Variants in NETO1 observed in about 807,000 individuals in gnomAD.
The protein encoded by NETO1 is neuropilin and tolloid-like protein 1.
In NETO1, 26 loss-of-function variants were observed where a neutral mutation model predicts 61.3. The observed-to-expected ratio is 0.42, with a 90% CI of 0.31 to 0.59. The LOEUF (loss-of-function observed/expected upper bound fraction) is 0.59. Ranked by LOEUF, NETO1 falls within the 20% of genes least tolerant of loss-of-function variation. The probability of loss-of-function intolerance (pLI) is 0.12; values close to 1 mark genes in which losing one functional copy is unlikely to be tolerated. For missense variants in NETO1, 531 were observed against 662.8 expected (o/e 0.80, Z 2.18); for synonymous variants, 225 against 225.8 (o/e 1.00, Z 0.03).
chr18:72,846,883 C>T (rs532784848), intron 4 of NETO1, among the ~76,000 whole-genome samples: 9 of 152,194 alleles, frequency 5.9e-5, no homozygotes, highest in Non-Finnish European at 1.0e-4. Context: ...CCTATTTCAT[C>T]GGGACAGCCA....
chr18:72,764,839 G>A (rs531240221), intron 7 of NETO1, among the ~76,000 whole-genome samples: 1 of 152,080 alleles, frequency 6.6e-6, no homozygotes, highest in African/African-American at 2.4e-5. Context: ...CAGGCGAAAG[G>A]CTCAAGACCA....
At chr18:72,804,750 A>G (rs1196708944) in intron 4 of NETO1, among the ~76,000 whole-genome samples, 1 of 152,120 alleles carries the variant, frequency 6.6e-6, no homozygotes, top group Non-Finnish European at 1.5e-5. Flanking sequence ...AAACCTTCTG[A>G]TTATAAAAAT....
intron 4 of NETO1, among the ~76,000 whole-genome samples, chr18:72,827,209 G>A (rs2073405892): frequency 6.7e-6 from 1 of 149,266 alleles, no homozygotes; most frequent in African/African-American, 2.5e-5. Flanking sequence ...TATTCTGTAT[G>A]TTTAATATAT....
intron 7 of NETO1, 91 bp from the exon 8 acceptor site, chr18:72,756,238 T>C: frequency 1.6e-6 from 1 of 641,338 alleles, no homozygotes; most frequent in African/African-American, 1.8e-5. Flanking sequence ...AAAAAAAGAT[T>C]AGAATAATTT....
intron 4 of NETO1, among the ~76,000 whole-genome samples, chr18:72,851,903 T>C (rs547809715): frequency 1.3e-5 from 2 of 152,292 alleles, no homozygotes; most frequent in African/African-American, 4.8e-5. Context: ...GATACACAAG[T>C]AGTAATTTAA....
chr18:72,834,859 G>C (rs2073693691), intron 4 of NETO1: 1 of 941,098 alleles, frequency 1.1e-6, no homozygotes, highest in South Asian at 4.9e-5. Context: ...ATAATAAAAA[G>C]ATTGTAATAC....
intron 4 of NETO1, among the ~76,000 whole-genome samples, chr18:72,811,768 T>C (rs2072875443): frequency 6.6e-6 from 1 of 152,114 alleles, no homozygotes; most frequent in Non-Finnish European, 1.5e-5. Context: ...TCGTACCACC[T>C]TAATCCAGCC....
intron 4 of NETO1, among the ~76,000 whole-genome samples, chr18:72,839,345 C>T (rs9319856): frequency 0.96 from 146,256 of 152,312 alleles, 70,310 homozygotes; most frequent in Non-Finnish European, 0.99. Context: ...TTCATCTATA[C>T]AACAGGAACA....
intron 4 of NETO1, among the ~76,000 whole-genome samples, chr18:72,800,700 T>C (rs2072476399): frequency 6.6e-6 from 1 of 152,150 alleles, no homozygotes; most frequent in African/African-American, 2.4e-5. Flanking sequence ...TCCCTGGTGC[T>C]AAAAATGTGC....
intron 4 of NETO1, among the ~76,000 whole-genome samples, chr18:72,844,181 T>A (rs1158350164): frequency 6.6e-6 from 1 of 152,158 alleles, no homozygotes; most frequent in African/African-American, 2.4e-5. Flanking sequence ...GCCACAGTCG[T>A]TTCTACTTCT....
chr18:72,771,955 T>C (rs190609562), intron 7 of NETO1, among the ~76,000 whole-genome samples: 8 of 152,248 alleles, frequency 5.3e-5, no homozygotes, highest in African/African-American at 1.9e-4. Flanking sequence ...TTCTTTCCTT[T>C]GGGTCTCTGA....
intron 1 of NETO1, 147 bp downstream of exon 1, chr18:72,867,117 C>G: frequency 1.7e-6 from 1 of 583,206 alleles, no homozygotes; most frequent in South Asian, 3.3e-5. Context: ...TGCTGCAATA[C>G]AGAAAGTTTA....
intron 4 of NETO1, among the ~76,000 whole-genome samples, chr18:72,837,479 A>G (rs1376854316): frequency 2.6e-5 from 4 of 152,212 alleles, no homozygotes; most frequent in African/African-American, 9.6e-5. Context: ...TGATTTTCAT[A>G]GGACGAACTG....
intron 4 of NETO1, among the ~76,000 whole-genome samples, chr18:72,833,688 C>T (rs2073652174): frequency 1.3e-5 from 2 of 152,072 alleles, no homozygotes; most frequent in South Asian, 4.2e-4. Flanking sequence ...GGGTGAGAAC[C>T]AGAAGAGGAT....
At chr18:72,748,940 T>G in intron 10 of NETO1, 74 bp downstream of exon 10, 1 of 932,224 alleles carries the variant, frequency 1.1e-6, no homozygotes, top group Non-Finnish European at 1.8e-6. Flanking sequence ...GCACATTCCC[T>G]AAAAAACTAC....
intron 4 of NETO1, among the ~76,000 whole-genome samples, chr18:72,822,551 A>G (rs944529464): frequency 2.6e-5 from 4 of 152,338 alleles, no homozygotes; most frequent in Middle Eastern, 6.8e-3. Context: ...GAAAAACGAG[A>G]GAATTCGCTA....
At chr18:72,785,334 C>T (rs558851291) in intron 6 of NETO1, among the ~76,000 whole-genome samples, 11 of 152,258 alleles carry the variant, frequency 7.2e-5, no homozygotes, top group East Asian at 1.9e-4. Flanking sequence ...TGTTCGTACT[C>T]AACAGGGCAC....
At chr18:72,823,719 G>A (rs2073284530) in intron 4 of NETO1, among the ~76,000 whole-genome samples, 1 of 152,104 alleles carries the variant, frequency 6.6e-6, no homozygotes, top group South Asian at 2.1e-4. Context: ...AATAGTCAAA[G>A]AAGGATATTT....
At chr18:72,810,114 T>C (rs2072816759) in intron 4 of NETO1, among the ~76,000 whole-genome samples, 1 of 152,222 alleles carries the variant, frequency 6.6e-6, no homozygotes, top group Non-Finnish European at 1.5e-5. Flanking sequence ...CTTAAAGGAT[T>C]TATTTGCATT....
Sources: gnomAD v4.1 joint callset for allele counts (sites outside exome capture counted in the v4.1 genomes callset) on GRCh38, gnomAD v4.1.1 for gene constraint, MANE v1.5 for transcripts, NCBI Gene and HGNC (gene_info 2026-07-23, HGNC 2026-07-21) for gene names.